CSMD1: variants seen among roughly 807,000 people sequenced by gnomAD.
CSMD1 encodes CUB and sushi domain-containing protein 1.
Under a neutral mutation model 417.5 loss-of-function variants are expected in CSMD1, and 213 were observed. The ratio of observed to expected loss-of-function variants is 0.51; its 90% CI spans 0.46 to 0.57. The LOEUF (loss-of-function observed/expected upper bound fraction) is 0.57, where lower values mean the gene tolerates loss of function less well. CSMD1 is among the 20% of genes least tolerant of loss of function. The probability of loss-of-function intolerance (pLI) is 0.00; values close to 1 mark genes in which losing one functional copy is unlikely to be tolerated. For missense variants in CSMD1, 6,923 were observed against 4,529.7 expected (o/e 1.53, Z -15.17); for synonymous variants, 2,862 against 1,736.8 (o/e 1.65, Z -16.11).
At chr8:4,148,575 TAGG>T (rs1223042489) in intron 3 of CSMD1, among the ~76,000 whole-genome samples, 1 of 152,008 alleles carries the variant, frequency 6.6e-6, no homozygotes, top group Non-Finnish European at 1.5e-5. Flanking sequence ...ATTCAAGCTC[TAGG>T]AGACCAGCTG....
chr8:3,615,169 C>A (rs1371093237), intron 8 of CSMD1, among the ~76,000 whole-genome samples: 1 of 152,154 alleles, frequency 6.6e-6, no homozygotes, highest in African/African-American at 2.4e-5. Flanking sequence ...TTGCTAATAA[C>A]TGTTCACAAC....
intron 2 of CSMD1, among the ~76,000 whole-genome samples, chr8:4,572,965 A>G (rs960493391): frequency 3.3e-5 from 5 of 152,166 alleles, no homozygotes; most frequent in African/African-American, 9.7e-5. Context: ...TTTCAGCTCC[A>G]TCAGGTCATT....
chr8:3,985,348 A>G (rs1194345995), intron 5 of CSMD1, among the ~76,000 whole-genome samples: 6 of 152,172 alleles, frequency 3.9e-5, no homozygotes, highest in African/African-American at 1.4e-4. Flanking sequence ...AGGGTTACAG[A>G]TTGCATTGTT....
chr8:3,210,558 T>G (rs1262198837), intron 30 of CSMD1, among the ~76,000 whole-genome samples: 1 of 69,974 alleles, frequency 1.4e-5, no homozygotes, highest in Non-Finnish European at 3.0e-5. Context: ...TGTGTATATA[T>G]GTATAATTCC....
intron 3 of CSMD1, among the ~76,000 whole-genome samples, chr8:4,346,735 T>C (rs927547321): frequency 6.6e-5 from 10 of 152,260 alleles, no homozygotes; most frequent in Admixed American, 5.2e-4. Context: ...ATTTTAGATA[T>C]AAAAATAAAT....
chr8:3,097,146 T>A, intron 46 of CSMD1, 109 bp from the exon 47 acceptor site: 1 of 886,976 alleles, frequency 1.1e-6, no homozygotes, highest in East Asian at 2.8e-5. Flanking sequence ...AAAGCAATCT[T>A]ATTGAGCTCT....
At chr8:3,788,654 A>C (rs1318331111) in intron 5 of CSMD1, among the ~76,000 whole-genome samples, 1 of 152,196 alleles carries the variant, frequency 6.6e-6, no homozygotes, top group Non-Finnish European at 1.5e-5. Context: ...GAGGTAGATA[A>C]ATGTAGACAA....
rs111718941 is a variant in CSMD1 at position 3,701,271 on chromosome 8, C to G, written c.1009+7143G>C. On this transcript the variant is annotated intron_variant, in intron 7 of 69. Coordinates refer to ENST00000635120, the MANE Select transcript of CSMD1 (RefSeq NM_033225.6). ...CTGGAATTGGATCATCTCGGGACAA[C>G]TTTCCGAAGATGAATATGAGTGAGC... 1.5e-3 allele frequency among the ~76,000 whole-genome samples: 227 copies of G among 152,292 alleles called. 1 individual carries two copies. The highest frequency in any genetic ancestry group is 5.3e-3 in the African/African-American group (220 of 41,566).
intron 2 of CSMD1, among the ~76,000 whole-genome samples, chr8:4,508,850 G>A (rs150804193): frequency 2.0e-5 from 3 of 151,902 alleles, no homozygotes; most frequent in Non-Finnish European, 2.9e-5. Context: ...TTTTTGGAAT[G>A]TAAGCTTTCT....
intron 7 of CSMD1, among the ~76,000 whole-genome samples, chr8:3,695,277 T>A (rs979477015): frequency 6.6e-6 from 1 of 152,156 alleles, no homozygotes; most frequent in Non-Finnish European, 1.5e-5. Flanking sequence ...TCTAAAATTA[T>A]AGTGCCGCGA....
intron 5 of CSMD1, among the ~76,000 whole-genome samples, chr8:3,931,079 G>C (rs1441000518): frequency 1.3e-5 from 2 of 150,508 alleles, no homozygotes; most frequent in Non-Finnish European, 3.0e-5. Context: ...TTAAAAATGT[G>C]ACATCTTTCT....
intron 2 of CSMD1, among the ~76,000 whole-genome samples, chr8:4,493,479 T>G (rs1418529671): frequency 6.6e-6 from 1 of 152,104 alleles, no homozygotes; most frequent in Non-Finnish European, 1.5e-5. Context: ...GAGGATTGCT[T>G]GAGTCCAGGA....
rs566671883 is a variant in CSMD1, at chr8:3,479,145, A to G, written c.1449-10321T>C. On this transcript the variant is annotated intron_variant, in intron 11 of 69. Transcript: ENST00000635120. ...AAAGTAAACCCTTGAAGCCTCCAAT[A>G]GTCAAATTATCATTGGAACCTCCTC... Among the ~76,000 whole-genome samples the G allele has an allele frequency of 3.3e-5, 5 of 152,274 alleles. 1 individual carries two copies. Among genetic ancestry groups the G allele is most frequent in the African/African-American group, 1.2e-4 (5 of 41,560 alleles).
chr8:4,010,266 T>C (rs1816443068), intron 4 of CSMD1, among the ~76,000 whole-genome samples: 1 of 152,116 alleles, frequency 6.6e-6, no homozygotes, highest in Non-Finnish European at 1.5e-5. Flanking sequence ...CCCTCCCTCA[T>C]GTGCCCAGCT....
At chr8:4,203,247 TG>T (rs1291148194) in intron 3 of CSMD1, among the ~76,000 whole-genome samples, 1 of 152,168 alleles carries the variant, frequency 6.6e-6, no homozygotes, top group Non-Finnish European at 1.5e-5. Context: ...TCAGGAATGT[TG>T]GCAGCCTGCA....
chr8:4,130,178 G>C (rs1276713969), intron 3 of CSMD1, among the ~76,000 whole-genome samples: 2 of 152,076 alleles, frequency 1.3e-5, no homozygotes, highest in Admixed American at 1.3e-4. Context: ...CTTTTCCTTA[G>C]TTCTTTCTTT....
intron 3 of CSMD1, among the ~76,000 whole-genome samples, chr8:4,033,570 T>A (rs182845997): frequency 1.8e-4 from 27 of 152,338 alleles, no homozygotes; most frequent in African/African-American, 6.3e-4. Flanking sequence ...TGATGTCTTA[T>A]GTCTCCCTAC....
chr8:3,261,381 C>T (rs748955322), intron 26 of CSMD1, among the ~76,000 whole-genome samples: 17 of 152,112 alleles, frequency 1.1e-4, no homozygotes, highest in Non-Finnish European at 2.1e-4. Flanking sequence ...AACTTACGTT[C>T]CCATGATAAA....
intron 25 of CSMD1, among the ~76,000 whole-genome samples, chr8:3,303,124 T>C (rs190247460): frequency 7.2e-5 from 11 of 152,366 alleles, no homozygotes; most frequent in Admixed American, 3.9e-4. Context: ...TATAGTGATG[T>C]TGATAGGAAT....
Sources: gnomAD v4.1 joint callset for allele counts (sites outside exome capture counted in the v4.1 genomes callset) on GRCh38, gnomAD v4.1.1 for gene constraint, MANE v1.5 for transcripts, NCBI Gene and HGNC (gene_info 2026-07-23, HGNC 2026-07-21) for gene names.